Variants in RNF38 observed in about 807,000 individuals in gnomAD.
RNF38 encodes the protein E3 ubiquitin-protein ligase RNF38.
In RNF38, 15 loss-of-function variants were observed where a neutral mutation model predicts 67.2. The observed-to-expected ratio is 0.22, with a 90% CI of 0.15 to 0.34. The LOEUF is 0.34. Ranked by LOEUF, RNF38 falls within the 10% of genes least tolerant of loss-of-function variation. The pLI is 1.00. For missense variants in RNF38, 524 were observed against 639.9 expected, an observed-to-expected ratio of 0.82 and a Z score of 1.95; for synonymous variants, 220 against 218.8, an observed-to-expected ratio of 1.01 and a Z score of -0.05.
intron 2 of RNF38, among the ~76,000 whole-genome samples, chr9:36,378,431 C>T (rs1835943161): frequency 6.6e-6 from 1 of 152,110 alleles, no homozygotes; most frequent in Admixed American, 6.6e-5. Flanking sequence ...CCATCTCGGC[C>T]TCCCAAACTG....
At chr9:36,372,641 C>T in intron 3 of RNF38, 1 of 611,806 alleles carries the variant, frequency 1.6e-6, no homozygotes, top group Non-Finnish European at 3.0e-6. Context: ...AGACACACTG[C>T]TGAAAAAAAC....
intron 1 of RNF38, among the ~76,000 whole-genome samples, chr9:36,441,662 AGGAT>A (rs1309699824): frequency 6.6e-6 from 1 of 152,152 alleles, no homozygotes; most frequent in African/African-American, 2.4e-5. Context: ...AATATCACCT[AGGAT>A]GGATTTCACC....
At chr9:36,408,384 A>G (rs545480113) in intron 2 of RNF38, among the ~76,000 whole-genome samples, 10 of 151,592 alleles carry the variant, frequency 6.6e-5, no homozygotes, top group Non-Finnish European at 1.5e-4. Flanking sequence ...GGGAATCAGT[A>G]GTTTTCAGGG....
intron 2 of RNF38, among the ~76,000 whole-genome samples, chr9:36,424,419 GT>G (rs1187558090): frequency 6.6e-6 from 1 of 152,144 alleles, no homozygotes; most frequent in East Asian, 1.9e-4. Flanking sequence ...CCCACCTCGG[GT>G]TGAGGAATTT....
intron 2 of RNF38, among the ~76,000 whole-genome samples, chr9:36,385,205 C>G (rs948035541): frequency 6.6e-6 from 1 of 151,916 alleles, no homozygotes. Flanking sequence ...AACAAGGAAC[C>G]ATTTCTTGAT....
intron 1 of RNF38, among the ~76,000 whole-genome samples, chr9:36,460,885 CA>C (rs752827635): frequency 0.034 from 1,809 of 52,956 alleles, 31 homozygotes; most frequent in African/African-American, 0.12. Context: ...GAAACTCTCT[CA>C]AAAAAAAAAA....
rs75257653 is a variant in RNF38 at position 36,438,650 on chromosome 9, A to C, written n.242-13967T>G. On this transcript the variant is annotated intron_variant and non_coding_transcript_variant, in intron 1 of 3. Coordinates refer to the RNF38 transcript ENST00000488058. ...ATAGCAAAGCTTCACGGTGCTGAACAAAAGACCTAGATAGGTTAGCACACT... is the reference window on the plus strand; with the variant it reads ...ATAGCAAAGCTTCACGGTGCTGAACCAAAGACCTAGATAGGTTAGCACACT... Among the ~76,000 whole-genome samples the C allele has an allele frequency of 5.0e-4, 76 of 152,282 alleles. 1 individual carries two copies. In the East Asian group the frequency reaches 0.015, roughly 29 times the overall value.
intron 1 of RNF38, among the ~76,000 whole-genome samples, chr9:36,442,659 G>A (rs1839218634): frequency 6.6e-6 from 1 of 152,056 alleles, no homozygotes; most frequent in South Asian, 2.1e-4. Flanking sequence ...ACGCCCTATA[G>A]TCCCAGCTAC....
chr9:36,353,757 T>G (rs1448936897), intron 6 of RNF38, among the ~76,000 whole-genome samples: 1 of 152,198 alleles, frequency 6.6e-6, no homozygotes, highest in Non-Finnish European at 1.5e-5. Context: ...GAAACAGGGC[T>G]AAATGAGATA....
chr9:36,362,907 CAAGCGTG>C (rs1413363861), intron 4 of RNF38, among the ~76,000 whole-genome samples: 13 of 112,728 alleles, frequency 1.2e-4, no homozygotes, highest in Admixed American at 2.5e-4. Flanking sequence ...GCTGGGATTA[CAAGCGTG>C]AGGCACCACA....
upstream of RNF38, chr9:36,400,914 G>GCCCCGCCGCA (rs1183050453): frequency 2.0e-4 from 184 of 940,226 alleles, no homozygotes; most frequent in Middle Eastern, 1.1e-3. Flanking sequence ...GCCCCGCCGC[G>GCCCCGCCGCA]CCCCGCCGCA....
intron 1 of RNF38, among the ~76,000 whole-genome samples, chr9:36,427,702 T>TCTATCTATCTATCTATCTAC (rs1554694676): frequency 3.6e-5 from 5 of 139,412 alleles, no homozygotes; most frequent in Admixed American, 7.2e-5. Context: ...TATCTATCTA[T>TCTATCTATCTATCTATCTAC]CTACCTACCT....
intron 1 of RNF38, among the ~76,000 whole-genome samples, chr9:36,398,566 G>C (rs1180884399): frequency 8.5e-5 from 13 of 152,124 alleles, no homozygotes; most frequent in Admixed American, 8.5e-4. Context: ...AGATAACGTC[G>C]TATTAATTAA....
intron 2 of RNF38, among the ~76,000 whole-genome samples, chr9:36,386,054 T>C (rs987737802): frequency 1.3e-5 from 2 of 152,188 alleles, no homozygotes; most frequent in African/African-American, 4.8e-5. Flanking sequence ...AACAAACTTA[T>C]TTATCGTTGG....
At position 36,357,838 on chromosome 9, in the gene RNF38, C is replaced by T; in HGVS notation, c.675G>A (p.Gln225=). Residue 225 remains glutamine, a synonymous_variant, in exon 5 of 12, where the codon CAG becomes CAA. Coordinates refer to ENST00000259605, the MANE Select transcript of RNF38 (RefSeq NM_022781.5). ...GQHIPACSTQ[Q]VPGCSVVFSG... is the part of the protein sequence containing the mutation. ...TGAAAACCACAGAGCATCCTGGGACCTGCTGTGTACTACAAGCAGGGATGT... is the reference window on the plus strand; with the variant it reads ...TGAAAACCACAGAGCATCCTGGGACTTGCTGTGTACTACAAGCAGGGATGT... 6.2e-7 allele frequency: 1 copy of T among 1,613,906 alleles called. No homozygotes were observed. The highest frequency in any genetic ancestry group is 8.5e-7 in the Non-Finnish European group (1 of 1,179,854).
chr9:36,482,390 T>C (rs141032147), intron 1 of RNF38, among the ~76,000 whole-genome samples: 1,552 of 137,034 alleles, frequency 0.011, 28 homozygotes, highest in African/African-American at 0.04. Context: ...TCTCACTCTG[T>C]TGCCCAGGCT....
At chr9:36,373,265 A>C (rs1479772106) in intron 3 of RNF38, among the ~76,000 whole-genome samples, 2 of 152,210 alleles carry the variant, frequency 1.3e-5, no homozygotes. Context: ...AGGCGGATAC[A>C]TAAATTGTGT....
rs1833659786 is a variant in RNF38 at position 36,351,142 on chromosome 9, T to C, written c.1236A>G (p.Val412=). 6.2e-7 allele frequency: 1 copy of C among 1,612,604 alleles called. No individual in the cohort carries two copies. The highest frequency in any genetic ancestry group is 8.5e-7 in the Non-Finnish European group (1 of 1,179,108). Residue 412 remains valine (V), a synonymous_variant, in exon 9 of 12, where the codon GTA becomes GTG. Transcript: ENST00000259605. ...CGTAATTTTCTACTTCTCCATCTTC[T>C]ACATCTAATTCAAAGCTGAAAGTTG... ...VGPTFSFELD[V]EDGEVENYEA... is the part of the protein sequence containing the mutation.
At chr9:36,389,379 G>C (rs1383527015) in intron 2 of RNF38, among the ~76,000 whole-genome samples, 3 of 150,850 alleles carry the variant, frequency 2.0e-5, no homozygotes, top group African/African-American at 7.3e-5. Context: ...ATTGGTGGCA[G>C]TATTAAGGGT....
Sources: gnomAD v4.1 joint callset for allele counts (sites outside exome capture counted in the v4.1 genomes callset) on GRCh38, gnomAD v4.1.1 for gene constraint, MANE v1.5 for transcripts, NCBI Gene and HGNC (gene_info 2026-07-23, HGNC 2026-07-21) for gene names.